The following SH3PXD2B variants were observed in gnomAD, a reference collection of about 807,000 sequenced individuals.
SH3PXD2B encodes SH3 and PX domain-containing protein 2B.
In SH3PXD2B, 37 loss-of-function variants were observed where a neutral mutation model predicts 73.1. The ratio of observed to expected loss-of-function variants is 0.51; its 90% CI spans 0.39 to 0.67. The LOEUF (loss-of-function observed/expected upper bound fraction) is 0.67, where lower values mean the gene tolerates loss of function less well. Ranked by LOEUF, SH3PXD2B falls within the 30% of genes least tolerant of loss-of-function variation. The probability of loss-of-function intolerance (pLI) is 0.00; values close to 1 mark genes in which losing one functional copy is unlikely to be tolerated. For synonymous variants in SH3PXD2B, 457 were observed against 480.5 expected, an observed-to-expected ratio of 0.95 and a Z score of 0.64; for missense variants, 1,053 against 1,197.8, an observed-to-expected ratio of 0.88 and a Z score of 1.78.
chr5:172,325,584 T>C (rs967198028), intron 12 of SH3PXD2B, among the ~76,000 whole-genome samples: 11 of 152,208 alleles, frequency 7.2e-5, no homozygotes, highest in Admixed American at 3.9e-4. Flanking sequence ...GCCTTCTCGC[T>C]GGGTCCTCAC....
At chr5:172,345,772 A>G (rs1756983469) in intron 12 of SH3PXD2B, among the ~76,000 whole-genome samples, 1 of 152,216 alleles carries the variant, frequency 6.6e-6, no homozygotes, top group Admixed American at 6.5e-5. Flanking sequence ...ACAAGACCAC[A>G]TACTGTGGGA....
At chr5:172,345,310 T>A (rs140169553) in intron 12 of SH3PXD2B, among the ~76,000 whole-genome samples, 159 of 152,140 alleles carry the variant, frequency 1.0e-3, no homozygotes, top group African/African-American at 3.6e-3. Flanking sequence ...GGAAAGAGGA[T>A]GGTGACGACA....
In SH3PXD2B at chr5:172,446,892, G is replaced by T. The variant is rs557151414; in HGVS notation, c.75+7386C>A. On this transcript the variant is annotated intron_variant, in intron 1 of 12. Transcript: ENST00000311601. The stretch of plus-strand genomic sequence containing the variant: ...GCATCTGCCCAGACCTTCCCTCGTG[G>T]TATTTTAAACTCATCGCTTTCTAGT... Among the ~76,000 whole-genome samples the T allele has an allele frequency of 2.6e-5, 4 of 152,320 alleles. No homozygotes were observed. In the East Asian group the frequency reaches 7.7e-4, roughly 29 times the overall value.
At position 172,346,834 on chromosome 5, in the gene SH3PXD2B, TA is replaced by T. The variant is rs113974264; in HGVS notation, c.1062+448del. Among the ~76,000 whole-genome samples, 862 of 150,548 alleles carry T rather than the reference TA, an allele frequency of 5.7e-3. 11 individuals carry two copies. The highest frequency in any genetic ancestry group is 0.02 in the African/African-American group (816 of 40,942). The stretch of plus-strand genomic sequence containing the variant: ...CGTCTCAAAAACCAATGCAAACAAA[TA>T]AAAAAAACCCCAAAACCCAACAACA... On this transcript the variant is annotated intron_variant, in intron 11 of 12. Coordinates refer to ENST00000311601, the MANE Select transcript of SH3PXD2B (RefSeq NM_001017995.3).
intron 12 of SH3PXD2B, among the ~76,000 whole-genome samples, chr5:172,325,801 G>T: frequency 6.6e-6 from 1 of 151,448 alleles, no homozygotes; most frequent in East Asian, 1.9e-4. Flanking sequence ...TGTTTTTTGA[G>T]ACAGCGTTTC....
chr5:172,432,691 T>C (rs1421931007), intron 1 of SH3PXD2B, among the ~76,000 whole-genome samples: 2 of 152,136 alleles, frequency 1.3e-5, no homozygotes, highest in African/African-American at 2.4e-5. Flanking sequence ...CCGAGGCAGA[T>C]GGATCACCTG....
At chr5:172,418,590 C>T (rs1214278330) in intron 2 of SH3PXD2B, among the ~76,000 whole-genome samples, 1 of 152,204 alleles carries the variant, frequency 6.6e-6, no homozygotes, top group Non-Finnish European at 1.5e-5. Flanking sequence ...GTGTTGCAGG[C>T]CCGCAAGGGC....
chr5:172,439,947 G>T (rs957185327), intron 1 of SH3PXD2B, among the ~76,000 whole-genome samples: 1 of 152,172 alleles, frequency 6.6e-6, no homozygotes, highest in Non-Finnish European at 1.5e-5. Flanking sequence ...CATCTGGCCC[G>T]AGGCGGCGTG....
rs1253638659 is a variant in SH3PXD2B at position 172,334,022 on chromosome 5, A to G, written c.*4347T>C. The G allele has an allele frequency of 8.5e-7, 1 of 1,181,406 alleles. No individual in the cohort carries two copies. Among genetic ancestry groups the G allele is most frequent in the African/African-American group, 1.6e-5 (1 of 61,616 alleles). 73.2% of individuals were successfully genotyped at this position (1,181,406 alleles called of 1,614,324 possible). ...CTTTTTTACATGAATAGGACATCTA[A>G]AAGTGAAGGCTACCGACTGTGGCAC... On this transcript the variant is annotated 3_prime_UTR_variant, in exon 13 of 13. Transcript: ENST00000311601.
intron 3 of SH3PXD2B, among the ~76,000 whole-genome samples, chr5:172,405,448 C>G (rs140311473): frequency 1.0e-3 from 154 of 152,320 alleles, no homozygotes; most frequent in Middle Eastern, 6.8e-3. Context: ...ATCTGAAGCC[C>G]TAGTCAGATT....
chr5:172,451,261 C>T (rs574616248), intron 1 of SH3PXD2B, among the ~76,000 whole-genome samples: 2 of 152,250 alleles, frequency 1.3e-5, no homozygotes, highest in Non-Finnish European at 2.9e-5. Flanking sequence ...AGGTAGTGGC[C>T]GAGATGGCTG....
chr5:172,357,454 C>T (rs542378876), intron 8 of SH3PXD2B, among the ~76,000 whole-genome samples: 35 of 151,920 alleles, frequency 2.3e-4, no homozygotes, highest in Middle Eastern at 3.4e-3. Context: ...TACCTGTGGT[C>T]GAGGGAAGAA....
rs778730283 is a variant in SH3PXD2B, at chr5:172,338,655, T to C, written c.2450A>G (p.Asp817Gly). 9 of 1,614,194 alleles carry C rather than the reference T, an allele frequency of 5.6e-6. No homozygotes were observed. The highest frequency in any genetic ancestry group is 2.2e-5 in the South Asian group (2 of 91,082). Residue 817 changes from aspartate to glycine, a missense_variant, in exon 13 of 13, where the codon GAC becomes GGC. Asp to Gly is a moderately conservative substitution (Grantham distance 94). Coordinates refer to ENST00000311601, the MANE Select transcript of SH3PXD2B (RefSeq NM_001017995.3). This position sits in a 1 kb window ranked among gnomAD's most constrained non-coding sequence, Gnocchi z 5.1. The stretch of plus-strand genomic sequence containing the variant: ...CCCCAGGCTGCCTTTGCCTCGCGTG[T>C]CATCCTGGCCCCCCAAAGAGTTGGA... ...FLSNSLGGQD[D>G]TRGKGSLGPW...
At chr5:172,450,936 G>C (rs1187700641) in intron 1 of SH3PXD2B, among the ~76,000 whole-genome samples, 4 of 152,238 alleles carry the variant, frequency 2.6e-5, no homozygotes, top group African/African-American at 9.6e-5. Flanking sequence ...AGTGGCTCCA[G>C]GGAAAGGCTC....
At chr5:172,356,332 T>C (rs1241117803) in intron 8 of SH3PXD2B, among the ~76,000 whole-genome samples, 4 of 152,170 alleles carry the variant, frequency 2.6e-5, no homozygotes, top group African/African-American at 4.8e-5. Flanking sequence ...AGCCCTACCC[T>C]GGGCTTTTAG....
intron 10 of SH3PXD2B, among the ~76,000 whole-genome samples, chr5:172,348,650 CTATCCTATCTATCTAT>C (rs74597934): frequency 0.19 from 14,195 of 76,586 alleles, 947 homozygotes; most frequent in Non-Finnish European, 0.27. Flanking sequence ...ATCTATCTAT[CTATCCTATCTATCTAT>C]CTATCTATCT....
chr5:172,396,822 T>C (rs1255032687), intron 3 of SH3PXD2B, among the ~76,000 whole-genome samples: 3 of 152,026 alleles, frequency 2.0e-5, no homozygotes, highest in African/African-American at 7.2e-5. Context: ...ATGCCTGTAA[T>C]CCCAGCTACT....
chr5:172,392,043 A>ATT (rs762486336), intron 4 of SH3PXD2B, among the ~76,000 whole-genome samples: 69 of 139,718 alleles, frequency 4.9e-4, no homozygotes, highest in African/African-American at 1.6e-3. Context: ...GTCTAACTTC[A>ATT]TTTTTTTTTT....
chr5:172,336,555 C>T lies in SH3PXD2B; in HGVS notation c.*1814G>A, dbSNP rs969440769. On this transcript the variant is annotated 3_prime_UTR_variant, in exon 13 of 13. Transcript: ENST00000311601. Reference sequence around the variant, plus strand: ...TGATAGGGGGTGGAGCTGGGAGGCGCGGCAGAAGAGGGCTGTTCAAGCAAA... The same window carrying T: ...TGATAGGGGGTGGAGCTGGGAGGCGTGGCAGAAGAGGGCTGTTCAAGCAAA... The T allele has an allele frequency of 4.0e-5, 39 of 985,972 alleles. No homozygotes were observed. Among genetic ancestry groups the T allele is most frequent in the Middle Eastern group, 5.1e-4 (1 of 1,946 alleles). 61.1% of individuals were successfully genotyped at this position (985,972 alleles called of 1,614,324 possible).
Sources: gnomAD v4.1 joint callset for allele counts (sites outside exome capture counted in the v4.1 genomes callset) on GRCh38, gnomAD v4.1.1 for gene constraint, Gnocchi (gnomAD v3.1) non-coding constraint, MANE v1.5 for transcripts, NCBI Gene and HGNC (gene_info 2026-07-23, HGNC 2026-07-21) for gene names.